Variants in ERC2 observed in about 807,000 individuals in gnomAD.
ERC2 encodes ELKS/RAB6-interacting/CAST family member 2, also known as ERC protein 2.
A neutral mutation model predicts 114.8 loss-of-function variants in ERC2; 42 were observed. The ratio of observed to expected loss-of-function variants is 0.37; its 90% CI spans 0.29 to 0.47. The LOEUF (loss-of-function observed/expected upper bound fraction) is 0.47, where lower values mean the gene tolerates loss of function less well. Among genes scored for constraint, ERC2 ranks in the 20% least tolerant of loss-of-function variants. The pLI, the probability that ERC2 is intolerant of heterozygous loss-of-function variation, is 0.99. For synonymous variants in ERC2, 454 were observed against 425.5 expected (o/e 1.07, Z -0.82); for missense variants, 939 against 1,150.7 (o/e 0.82, Z 2.66).
chr3:56,018,812 C>G, intron 8 of ERC2, 82 bp downstream of exon 8: 1 of 1,455,542 alleles, frequency 6.9e-7, no homozygotes, highest in East Asian at 2.3e-5. Context: ...GAAAAGCAGG[C>G]ACATTTAAAT....
At chr3:55,957,824 C>T (rs1425031831) in intron 12 of ERC2, among the ~76,000 whole-genome samples, 2 of 152,288 alleles carry the variant, frequency 1.3e-5, no homozygotes, top group East Asian at 1.9e-4. Flanking sequence ...CCAGGAAATG[C>T]GGTGGTACCT....
intron 17 of ERC2, among the ~76,000 whole-genome samples, chr3:55,636,546 T>C (rs1052444265): frequency 9.8e-5 from 15 of 152,306 alleles, no homozygotes; most frequent in African/African-American, 3.6e-4. Context: ...AATGAACAAA[T>C]GAGTGCATCG....
At chr3:56,436,505 G>T (rs2062025469) in intron 1 of ERC2, among the ~76,000 whole-genome samples, 1 of 152,046 alleles carries the variant, frequency 6.6e-6, no homozygotes, top group South Asian at 2.1e-4. Flanking sequence ...CACACTTTCT[G>T]ATTATACTGT....
intron 15 of ERC2, among the ~76,000 whole-genome samples, chr3:55,707,495 G>T (rs890953736): frequency 1.1e-4 from 17 of 152,150 alleles, no homozygotes; most frequent in Admixed American, 1.1e-3. Context: ...CCCCTGAAGG[G>T]TTATGGACAG....
intron 14 of ERC2, among the ~76,000 whole-genome samples, chr3:55,738,127 C>CT (rs1163986714): frequency 2.0e-5 from 3 of 152,152 alleles, no homozygotes; most frequent in African/African-American, 7.2e-5. Context: ...CCAGAAGTCT[C>CT]TTGTCATCTG....
At chr3:56,186,553 CAG>C (rs1340258565) in intron 3 of ERC2, among the ~76,000 whole-genome samples, 1 of 152,066 alleles carries the variant, frequency 6.6e-6, no homozygotes, top group Non-Finnish European at 1.5e-5. Flanking sequence ...GTTTTTGAGA[CAG>C]AGTTTCGCTC....
At chr3:55,767,635 A>G (rs2067900777) in intron 14 of ERC2, among the ~76,000 whole-genome samples, 1 of 152,084 alleles carries the variant, frequency 6.6e-6, no homozygotes, top group Non-Finnish European at 1.5e-5. Context: ...CTCAGCTTAA[A>G]CTAGAGATGG....
chr3:55,925,694 A>C (rs11130488), intron 13 of ERC2, among the ~76,000 whole-genome samples: 40,956 of 152,056 alleles, frequency 0.27, 5,809 homozygotes, highest in Admixed American at 0.35. Context: ...CCAAGAAGAA[A>C]AGATTTAAAG....
intron 14 of ERC2, among the ~76,000 whole-genome samples, chr3:55,831,944 G>T (rs1387882476): frequency 1.3e-5 from 2 of 152,222 alleles, no homozygotes; most frequent in Non-Finnish European, 2.9e-5. Context: ...CGGCACACCA[G>T]GAGATTACAT....
At chr3:55,909,930 T>C (rs1363264027) in intron 13 of ERC2, among the ~76,000 whole-genome samples, 1 of 152,216 alleles carries the variant, frequency 6.6e-6, no homozygotes, top group Non-Finnish European at 1.5e-5. Flanking sequence ...AATATTTATA[T>C]TGAGAAGGCC....
At position 55,942,028 on chromosome 3, in the gene ERC2, C is replaced by T. The variant is rs150379610; in HGVS notation, c.2403+8397G>A. ...AATACCCAATGCTGAGGGGCACAAG[C>T]CTTAGGTATAAGCTTGAAGATTTTA... On this transcript the variant is annotated intron_variant, in intron 13 of 17. Coordinates refer to ENST00000288221, the MANE Select transcript of ERC2 (RefSeq NM_015576.3). Among the ~76,000 whole-genome samples, 718 of 152,192 alleles carry T rather than the reference C, an allele frequency of 4.7e-3. 11 individuals are homozygous for T. Among genetic ancestry groups the T allele is most frequent in the African/African-American group, 0.016 (666 of 41,562 alleles).
chr3:55,890,730 G>A (rs970727069), intron 13 of ERC2, among the ~76,000 whole-genome samples: 7 of 152,206 alleles, frequency 4.6e-5, no homozygotes, highest in African/African-American at 1.7e-4. Context: ...ATCAGTAACT[G>A]CTAGTATCAG....
At chr3:55,867,270 A>G (rs2062365530) in intron 14 of ERC2, among the ~76,000 whole-genome samples, 1 of 151,976 alleles carries the variant, frequency 6.6e-6, no homozygotes, top group Non-Finnish European at 1.5e-5. Context: ...CTATGTCTTG[A>G]TCATCTTGGC....
rs1302030120 is a variant in ERC2 at position 55,952,178 on chromosome 3, C to CTAT, written c.2268-1619_2268-1618insATA. Among the ~76,000 whole-genome samples, 166 of 41,728 alleles carry CTAT rather than the reference C, an allele frequency of 4.0e-3. 5 individuals are homozygous for CTAT. Among genetic ancestry groups the CTAT allele is most frequent in the Non-Finnish European group, 6.0e-3 (106 of 17,536 alleles). 27.4% of individuals were successfully genotyped at this position (41,728 alleles called of 152,430 possible). A position where few individuals can be genotyped will look rare whatever the true frequency, so the allele number is the denominator to read the frequency against. ...ACACACACACACACACACACACACA[C>CTAT]ACTCTCTCTCTCTCTCTCTCTATAT... is the stretch of plus-strand genomic sequence containing the variant. On this transcript the variant is annotated intron_variant, in intron 12 of 17. Transcript: ENST00000288221.
intron 3 of ERC2, among the ~76,000 whole-genome samples, chr3:56,199,398 C>G (rs2048286099): frequency 6.6e-6 from 1 of 151,940 alleles, no homozygotes; most frequent in Non-Finnish European, 1.5e-5. Context: ...TGTTCTGGAG[C>G]TGAGAAAACA....
intron 13 of ERC2, among the ~76,000 whole-genome samples, chr3:55,899,057 A>T (rs190807168): frequency 6.6e-6 from 1 of 152,356 alleles, no homozygotes; most frequent in African/African-American, 2.4e-5. Context: ...ACATTAATTA[A>T]AATTTAAATG....
chr3:56,454,707 C>T (rs767446892), intron 1 of ERC2, among the ~76,000 whole-genome samples: 1 of 151,818 alleles, frequency 6.6e-6, no homozygotes, highest in Non-Finnish European at 1.5e-5. Context: ...AAAAATTAGC[C>T]GGGCATGTTG....
At chr3:56,221,347 G>T (rs941379996) in intron 3 of ERC2, among the ~76,000 whole-genome samples, 2 of 145,132 alleles carry the variant, frequency 1.4e-5, no homozygotes, top group African/African-American at 2.5e-5. Flanking sequence ...TTTGGTTATA[G>T]AATTCAAGAG....
At chr3:56,001,171 A>G (rs998068753) in intron 10 of ERC2, among the ~76,000 whole-genome samples, 1 of 151,948 alleles carries the variant, frequency 6.6e-6, no homozygotes, top group African/African-American at 2.4e-5. Context: ...GAAAGAAGAA[A>G]AGAAAAAGAG....
Sources: allele counts gnomAD v4.1 joint callset (sites outside exome capture counted in the v4.1 genomes callset), GRCh38; gene constraint gnomAD v4.1.1; transcripts MANE v1.5; gene names NCBI Gene and HGNC (gene_info 2026-07-23, HGNC 2026-07-21).